Variants in DPP10 observed in about 807,000 individuals in gnomAD.
The protein encoded by DPP10 is dipeptidyl peptidase like 10, also known as inactive dipeptidyl peptidase 10.
DPP10 carries 33 observed loss-of-function variants against 120.9 expected under a neutral mutation model. The ratio of observed to expected loss-of-function variants is 0.27; its 90% confidence interval spans 0.21 to 0.37. The LOEUF (loss-of-function observed/expected upper bound fraction) is 0.37. Among genes scored for constraint, DPP10 ranks in the 10% least tolerant of loss-of-function variants. The probability of loss-of-function intolerance (pLI) is 1.00; values close to 1 mark genes in which losing one functional copy is unlikely to be tolerated. For missense variants in DPP10, 816 were observed against 942.8 expected, an observed-to-expected ratio of 0.87 and a Z score of 1.76; for synonymous variants, 337 against 326.1, an observed-to-expected ratio of 1.03 and a Z score of -0.36.
chr2:115,190,955 CAA>C (rs986598358), intron 1 of DPP10, among the ~76,000 whole-genome samples: 21 of 152,122 alleles, frequency 1.4e-4, no homozygotes, highest in African/African-American at 4.8e-4. Context: ...GGGTTTATAA[CAA>C]GAGAAGGTTT....
Position 115,631,291 on chromosome 2 carries a change from TG to T in DPP10, c.442-58395del, listed in dbSNP as rs368410110. On this transcript the variant is annotated intron_variant, in intron 5 of 25. Coordinates refer to ENST00000410059, the MANE Select transcript of DPP10 (RefSeq NM_020868.6). ...ATATCCCCTTTATCATTTTTTATTG[TG>T]TCTATATGATTCTTTTTTCTTCTTT... Among the ~76,000 whole-genome samples the T allele has an allele frequency of 6.6e-5, 10 of 152,162 alleles. No individual in the cohort carries two copies. The South Asian group carries it at 2.1e-3, about 32-fold the overall frequency.
At chr2:115,563,683 C>A (rs1456886680) in intron 5 of DPP10, among the ~76,000 whole-genome samples, 1 of 152,164 alleles carries the variant, frequency 6.6e-6, no homozygotes, top group Non-Finnish European at 1.5e-5. Context: ...ATACTCCTAC[C>A]TCTTCGTAAG....
chr2:115,558,746 A>G (rs1387520053), intron 5 of DPP10, among the ~76,000 whole-genome samples: 3 of 152,216 alleles, frequency 2.0e-5, no homozygotes, highest in Admixed American at 6.5e-5. Flanking sequence ...TATATAGTCT[A>G]TGATATTATA....
At chr2:115,837,849 A>G (rs534246015) in intron 24 of DPP10, among the ~76,000 whole-genome samples, 9 of 152,268 alleles carry the variant, frequency 5.9e-5, no homozygotes, top group African/African-American at 2.2e-4. Context: ...ATCAAAAAAA[A>G]AAAAAGTCTA....
chr2:114,643,656 G>A (rs1348165117), intron 1 of DPP10, among the ~76,000 whole-genome samples: 2 of 151,796 alleles, frequency 1.3e-5, no homozygotes. Flanking sequence ...TATTAGTTTA[G>A]AAGGGGTTGC....
intron 1 of DPP10, among the ~76,000 whole-genome samples, chr2:115,142,480 C>T (rs1458658687): frequency 2.6e-5 from 4 of 152,162 alleles, no homozygotes; most frequent in Admixed American, 1.3e-4. Flanking sequence ...GCCAACATTG[C>T]TGGTCTAAAT....
At chr2:114,522,028 G>A (rs1193416543) in intron 1 of DPP10, among the ~76,000 whole-genome samples, 3 of 143,582 alleles carry the variant, frequency 2.1e-5, no homozygotes, top group African/African-American at 7.8e-5. Flanking sequence ...CACCCAGGCT[G>A]GAGTGCAGTG....
intron 1 of DPP10, among the ~76,000 whole-genome samples, chr2:114,676,308 T>G (rs1698668134): frequency 6.6e-6 from 1 of 152,196 alleles, no homozygotes. Context: ...ATTTCAGTTT[T>G]TACTTTTCAT....
intron 1 of DPP10, among the ~76,000 whole-genome samples, chr2:115,291,480 G>A (rs1215134400): frequency 6.6e-6 from 1 of 152,100 alleles, no homozygotes; most frequent in South Asian, 2.1e-4. Context: ...AATTAATGGT[G>A]TGTTTTGTCT....
At chr2:114,748,341 TTTTTTTTTTA>T (rs1558698612) in intron 1 of DPP10, among the ~76,000 whole-genome samples, 3 of 131,346 alleles carry the variant, frequency 2.3e-5, no homozygotes, top group South Asian at 4.8e-4. Context: ...GAATTTTCTT[TTTTTTTTTTA>T]TTTTTTTTTA....
chr2:114,950,680 A>G (rs1444836998), intron 1 of DPP10, among the ~76,000 whole-genome samples: 1 of 151,818 alleles, frequency 6.6e-6, no homozygotes. Context: ...CTATCTTGTT[A>G]TTTAGGTTTT....
chr2:114,461,493 C>T, intron 1 of DPP10: 2 of 796,352 alleles, frequency 2.5e-6, no homozygotes, highest in African/African-American at 1.9e-5. Context: ...TACCTGTCTC[C>T]CTCAACCAAT....
chr2:115,463,741 G>A lies in DPP10; in HGVS notation c.272-35769G>A, dbSNP rs549337719. 2.0e-5 allele frequency among the ~76,000 whole-genome samples: 3 copies of A among 152,186 alleles called. No homozygotes were observed. The East Asian group carries it at 5.8e-4, about 29-fold the overall frequency. On this transcript the variant is annotated intron_variant, in intron 3 of 25. Coordinates refer to ENST00000410059, the MANE Select transcript of DPP10 (RefSeq NM_020868.6). ...CCTTTAGGCAGTGCTGACTTTCTTGGTTAAAAATCCTGTCTCTCAACCAGT... is the reference window on the plus strand; with the variant it reads ...CCTTTAGGCAGTGCTGACTTTCTTGATTAAAAATCCTGTCTCTCAACCAGT...
intron 1 of DPP10, among the ~76,000 whole-genome samples, chr2:115,072,533 C>A (rs551120892): frequency 1.3e-5 from 2 of 152,138 alleles, no homozygotes; most frequent in Admixed American, 6.6e-5. Context: ...ATGAATCTAT[C>A]TTCAGAAAAT....
chr2:115,705,181 T>A (rs550374027), intron 7 of DPP10, among the ~76,000 whole-genome samples: 2 of 151,966 alleles, frequency 1.3e-5, no homozygotes, highest in South Asian at 4.1e-4. Context: ...CTAATAACAA[T>A]TGTGAACTAT....
intron 5 of DPP10, among the ~76,000 whole-genome samples, chr2:115,631,859 A>G (rs1331794089): frequency 6.6e-6 from 1 of 152,142 alleles, no homozygotes; most frequent in Non-Finnish European, 1.5e-5. Context: ...AGTAAGTGCC[A>G]TGTAGCACTC....
chr2:114,489,049 A>G (rs148679736), intron 1 of DPP10, among the ~76,000 whole-genome samples: 106 of 152,332 alleles, frequency 7.0e-4, no homozygotes, highest in African/African-American at 2.5e-3. Flanking sequence ...GAATATTTCC[A>G]TCGTATTTGA....
rs138437008 is a variant in DPP10 at position 115,104,122 on chromosome 2, T to C, written c.61-205117T>C. ...GGAATTTTCCATTTGTGGTGTCATG[T>C]TGGTGCTTTAAAATTTTCAGATTTT... On this transcript the variant is annotated intron_variant, in intron 1 of 25. Transcript: ENST00000410059. Among the ~76,000 whole-genome samples the C allele has an allele frequency of 4.9e-3, 740 of 152,122 alleles. 8 individuals carry two copies. Among genetic ancestry groups the C allele is most frequent in the Middle Eastern group, 0.02 (6 of 294 alleles).
chr2:115,685,089 T>G (rs1375819958), intron 5 of DPP10, among the ~76,000 whole-genome samples: 1 of 151,984 alleles, frequency 6.6e-6, no homozygotes, highest in East Asian at 1.9e-4. Context: ...AGTTTTAAAA[T>G]TGAACTTGGC....
Sources: gnomAD v4.1 joint callset for allele counts (sites outside exome capture counted in the v4.1 genomes callset) on GRCh38, gnomAD v4.1.1 for gene constraint, MANE v1.5 for transcripts, NCBI Gene and HGNC (gene_info 2026-07-23, HGNC 2026-07-21) for gene names.